The following JADE2 variants were observed in gnomAD, a reference collection of about 807,000 sequenced individuals.
JADE2 encodes jade family PHD finger 2.
JADE2 carries 13 observed loss-of-function variants against 85.7 expected under a neutral mutation model. The observed-to-expected ratio is 0.15, with a 90% CI of 0.10 to 0.24. The LOEUF (loss-of-function observed/expected upper bound fraction) is 0.24. JADE2 is among the 10% of genes least tolerant of loss of function. The pLI is 1.00. For synonymous variants in JADE2, 440 were observed against 456.1 expected (o/e 0.96, Z 0.45); for missense variants, 846 against 1,115.9 (o/e 0.76, Z 3.45).
intron 4 of JADE2, among the ~76,000 whole-genome samples, chr5:134,555,988 C>T (rs1389583947): frequency 6.6e-6 from 1 of 152,206 alleles, no homozygotes; most frequent in Non-Finnish European, 1.5e-5. Context: ...GCCATTCTCT[C>T]TGCCGGGTTG....
rs377143593 is a variant in JADE2 at position 134,566,183 on chromosome 5, G to A, written c.1037G>A (p.Arg346Gln). ...GCCTTTGACCACGGCCTGGAAATGC[G>A]GACTATATTAGCAGACAACGATGAG... ...TCAFDHGLEMRTILADNDEVK... is the reference protein window; with the variant it reads ...TCAFDHGLEMQTILADNDEVK... Residue 346 changes from arginine to glutamine, a missense_variant, in exon 9 of 12, where the codon CGG (arginine) becomes CAG (glutamine). By Grantham distance (43) the Arg-to-Gln change is conservative. Around this residue, in one of 9 missense-constraint regions of JADE2, gnomAD observed 39 missense variants for 37.6 expected, o/e 1.04. Coordinates refer to ENST00000681547, the MANE Select transcript of JADE2 (RefSeq NM_001388185.1). This position sits in a 1 kb window ranked among gnomAD's most constrained non-coding sequence, Gnocchi z 6.7. The A allele has an allele frequency of 1.7e-5, 28 of 1,613,936 alleles. No homozygotes were observed. The highest frequency in any genetic ancestry group is 6.6e-5 in the South Asian group (6 of 91,084).
intron 3 of JADE2, among the ~76,000 whole-genome samples, chr5:134,548,705 C>T (rs1762437855): frequency 1.3e-5 from 2 of 152,218 alleles, no homozygotes; most frequent in South Asian, 4.1e-4. Context: ...GGGAGCCCTT[C>T]CTGCCCTGAG....
At chr5:134,554,114 C>T (rs1762770535) in intron 4 of JADE2, among the ~76,000 whole-genome samples, 1 of 152,260 alleles carries the variant, frequency 6.6e-6, no homozygotes, top group South Asian at 2.1e-4. Context: ...GCTGTTACCT[C>T]CCCTGACGTT....
At chr5:134,559,568 C>T (rs139174610) in intron 4 of JADE2, among the ~76,000 whole-genome samples, 40 of 152,324 alleles carry the variant, frequency 2.6e-4, no homozygotes, top group Admixed American at 4.6e-4. Context: ...GCGGATCAGC[C>T]CTGACTCCCA....
intron 8 of JADE2, among the ~76,000 whole-genome samples, chr5:134,565,470 C>T (rs1043658338): frequency 3.3e-5 from 5 of 152,150 alleles, no homozygotes; most frequent in African/African-American, 1.2e-4. Flanking sequence ...GACCACAGTC[C>T]CCATCTTAGA....
At chr5:134,535,128 G>A (rs1044317616) in intron 1 of JADE2, among the ~76,000 whole-genome samples, 11 of 152,342 alleles carry the variant, frequency 7.2e-5, no homozygotes, top group African/African-American at 1.7e-4. Flanking sequence ...GGAAGACTCC[G>A]CGTGAGCTCA....
chr5:134,571,148 C>G (rs1490321014), intron 9 of JADE2, among the ~76,000 whole-genome samples: 1 of 152,230 alleles, frequency 6.6e-6, no homozygotes, highest in Non-Finnish European at 1.5e-5. Flanking sequence ...ATCTGTCTGG[C>G]CTCTGCCTCT....
intron 3 of JADE2, among the ~76,000 whole-genome samples, chr5:134,550,685 G>T (rs962905205): frequency 3.3e-5 from 5 of 152,184 alleles, no homozygotes; most frequent in African/African-American, 1.2e-4. Context: ...AGCGCTTTGT[G>T]GGGGGATCAC....
In JADE2 at chr5:134,579,213, G is replaced by A; in HGVS notation, c.2401G>A (p.Glu801Lys). ...TETDGYFSDG[E>K]MSDSDVEAED... is the part of the protein sequence containing the mutation. Reference sequence around the variant, plus strand: ...GACTGATGGCTACTTCTCTGATGGGGAGATGAGCGACTCAGATGTAGAGGC... The same window carrying A: ...GACTGATGGCTACTTCTCTGATGGGAAGATGAGCGACTCAGATGTAGAGGC... Residue 801 changes from glutamate (E) to lysine (K), a missense_variant, in exon 12 of 12, where the codon GAG becomes AAG. By Grantham distance (56) the Glu-to-Lys change is moderately conservative. Around this residue, in one of 9 missense-constraint regions of JADE2, gnomAD observed 300 missense variants for 300.7 expected, o/e 1.00. Coordinates refer to ENST00000681547, the MANE Select transcript of JADE2 (RefSeq NM_001388185.1). This position sits in a 1 kb window ranked among gnomAD's most constrained non-coding sequence, Gnocchi z 4.6. 6.2e-7 allele frequency: 1 copy of A among 1,614,216 alleles called. No homozygotes were observed. The highest frequency in any genetic ancestry group is 1.3e-5 in the African/African-American group (1 of 75,080).
chr5:134,573,972 C>T, intron 10 of JADE2: 1 of 646,920 alleles, frequency 1.5e-6, no homozygotes, highest in South Asian at 1.6e-5. Context: ...GGCAGAGAGC[C>T]AGAGGTTGGA....
At position 134,545,758 on chromosome 5, in the gene JADE2, G is replaced by A. The variant is rs561939194; in HGVS notation, c.154-6294G>A. The stretch of plus-strand genomic sequence containing the variant: ...AAAACTTTAACATAATACCTGACAT[G>A]CCTTAACAGGGCAATTACCTTTCTC... On this transcript the variant is annotated intron_variant, in intron 3 of 11. Transcript: ENST00000681547. Among the ~76,000 whole-genome samples the A allele has an allele frequency of 3.3e-5, 5 of 152,334 alleles. No homozygotes were observed. The South Asian group carries it at 1.0e-3, about 32-fold the overall frequency.
intron 4 of JADE2, among the ~76,000 whole-genome samples, chr5:134,555,932 C>T (rs1762885635): frequency 6.6e-6 from 1 of 152,206 alleles, no homozygotes; most frequent in Non-Finnish European, 1.5e-5. Flanking sequence ...CCTTCCCCTT[C>T]TCCGTGCCCC....
chr5:134,540,433 T>A (rs1761900052), intron 3 of JADE2, among the ~76,000 whole-genome samples: 1 of 150,960 alleles, frequency 6.6e-6, no homozygotes. Context: ...AAGGTCTCAC[T>A]GTGTTGCTCA....
intron 5 of JADE2, 72 bp downstream of exon 5, chr5:134,560,062 C>A: frequency 6.5e-7 from 1 of 1,547,920 alleles, no homozygotes; most frequent in Non-Finnish European, 8.9e-7. Context: ...CCGAGAGGGA[C>A]AGTGGCCCAG....
At chr5:134,564,304 G>C in intron 7 of JADE2, 190 bp from the exon 8 acceptor site, 1 of 519,792 alleles carries the variant, frequency 1.9e-6, no homozygotes, top group East Asian at 3.3e-5. Flanking sequence ...TGGTGAGCTT[G>C]GGAGAGTGAG....
At chr5:134,530,209 C>G (rs1251996162) in intron 1 of JADE2, among the ~76,000 whole-genome samples, 2 of 152,202 alleles carry the variant, frequency 1.3e-5, no homozygotes, top group African/African-American at 4.8e-5. Context: ...GAATGTCTGG[C>G]CTTCCCAACA....
At chr5:134,526,432 G>A (rs1012190486) in intron 1 of JADE2, 3 of 985,262 alleles carry the variant, frequency 3.0e-6, no homozygotes, top group Admixed American at 6.2e-5. Context: ...AGATGGGTAC[G>A]GTGGGGAGGT....
At position 134,562,254 on chromosome 5, in the gene JADE2, G is replaced by T; in HGVS notation, c.739G>T (p.Ala247Ser). 1 of 1,614,068 alleles carries T rather than the reference G, an allele frequency of 6.2e-7. No individual in the cohort carries two copies. The highest frequency in any genetic ancestry group is 8.5e-7 in the Non-Finnish European group (1 of 1,179,992). ...PTGSWLCRTC[A>S]LGVQPKCLLC... The stretch of plus-strand genomic sequence containing the variant: ...GGGCAGCTGGCTGTGCCGGACGTGT[G>T]CCCTGGGTGTCCAGCCAAAGTGCCT... Residue 247 changes from alanine to serine, a missense_variant, in exon 7 of 12, where the codon GCC (alanine) becomes TCC (serine). Transcript: ENST00000681547. This position sits in a 1 kb window ranked among gnomAD's most constrained non-coding sequence, Gnocchi z 4.6.
At position 134,579,076 on chromosome 5, in the gene JADE2, C is replaced by T. The variant is rs1341567292; in HGVS notation, c.2264C>T (p.Pro755Leu). The change falls in exon 12 of 12, where the codon CCC (proline) becomes CTC (leucine). Residue 755 changes from proline to leucine, a missense_variant. Pro to Leu is a moderately conservative substitution (Grantham distance 98). This residue lies in a region of JADE2 where 300 missense variants were observed against 300.7 expected (regional missense o/e 1.00). Coordinates refer to ENST00000681547, the MANE Select transcript of JADE2 (RefSeq NM_001388185.1). This position sits in a 1 kb window ranked among gnomAD's most constrained non-coding sequence, Gnocchi z 4.6. ...AAGCCTTTGGGCCGGCTCCGGCCAC[C>T]CCGCGAGAGCAAGGTAACCCGGAGA... ...SPKPLGRLRP[P>L]RESKVTRRLP... 1.9e-6 allele frequency: 3 copies of T among 1,613,958 alleles called. No individual in the cohort carries two copies. Among genetic ancestry groups the T allele is most frequent in the East Asian group, 2.2e-5 (1 of 44,840 alleles).
Sources: allele counts gnomAD v4.1 joint callset (sites outside exome capture counted in the v4.1 genomes callset), GRCh38; gene constraint gnomAD v4.1.1; regional missense constraint gnomAD v4.1.1; non-coding constraint Gnocchi (gnomAD v3.1); transcripts MANE v1.5; gene names NCBI Gene and HGNC (gene_info 2026-07-23, HGNC 2026-07-21).